The following DLG2 variants were observed in gnomAD, a reference collection of about 807,000 sequenced individuals.
The protein encoded by DLG2 is discs large MAGUK scaffold protein 2, also known as disks large homolog 2.
In DLG2, 45 loss-of-function variants were observed where a neutral mutation model predicts 132.5. The observed-to-expected ratio is 0.34, with a 90% CI of 0.27 to 0.44. DLG2 has a LOEUF of 0.44. DLG2 is among the 20% of genes least tolerant of loss of function. The pLI is 1.00. For synonymous variants in DLG2, 424 were observed against 419.6 expected, an observed-to-expected ratio of 1.01 and a Z score of -0.13; for missense variants, 1,045 against 1,196.9, an observed-to-expected ratio of 0.87 and a Z score of 1.87.
intron 14 of DLG2, among the ~76,000 whole-genome samples, chr11:83,938,770 G>T (rs1471252892): frequency 6.6e-6 from 1 of 152,160 alleles, no homozygotes; most frequent in Non-Finnish European, 1.5e-5. Context: ...CAGGAACAGA[G>T]ACTTATTTAA....
At chr11:84,103,895 AT>A (rs34175596) in intron 9 of DLG2, among the ~76,000 whole-genome samples, 5,289 of 151,338 alleles carry the variant, frequency 0.035, 291 homozygotes, top group African/African-American at 0.12. Flanking sequence ...ACCGACAATG[AT>A]TTTTTTTTGA....
chr11:85,007,111 G>A (rs749328130), intron 6 of DLG2, among the ~76,000 whole-genome samples: 2 of 152,000 alleles, frequency 1.3e-5, no homozygotes, highest in South Asian at 4.1e-4. Context: ...AGAAGTCATG[G>A]TTGCAAATAT....
In DLG2 at chr11:84,039,488, C is replaced by G. The variant is rs866478606; in HGVS notation, c.919+19827G>C. 2.8e-5 allele frequency among the ~76,000 whole-genome samples: 3 copies of G among 106,094 alleles called. No homozygotes were observed. The Admixed American group carries it at 3.1e-4, about 11-fold the overall frequency. 69.6% of individuals were successfully genotyped at this position (106,094 alleles called of 152,430 possible). The stretch of plus-strand genomic sequence containing the variant: ...TGTGGTGTTTGGTTTTTTGTTCTTG[C>G]GATAGTTTACTGAGAATGATGATTT... On this transcript the variant is annotated intron_variant, in intron 11 of 27. Transcript: ENST00000376104.
intron 3 of DLG2, among the ~76,000 whole-genome samples, chr11:85,514,098 C>T (rs1338561015): frequency 2.6e-5 from 4 of 151,894 alleles, no homozygotes; most frequent in Non-Finnish European, 1.5e-5. Flanking sequence ...CAGATTTATT[C>T]ATGTCCTTCT....
intron 7 of DLG2, among the ~76,000 whole-genome samples, chr11:84,259,310 A>C (rs1279176380): frequency 7.0e-6 from 1 of 141,926 alleles, no homozygotes; most frequent in African/African-American, 2.6e-5. Flanking sequence ...TTATTACTGG[A>C]GATTAGTTTT....
intron 6 of DLG2, among the ~76,000 whole-genome samples, chr11:84,989,938 A>C (rs2056900080): frequency 6.6e-6 from 1 of 152,228 alleles, no homozygotes; most frequent in Non-Finnish European, 1.5e-5. Context: ...TGGACATCTA[A>C]ACCTAGCATT....
chr11:85,319,908 A>C (rs1204187256), intron 3 of DLG2, among the ~76,000 whole-genome samples: 2 of 151,916 alleles, frequency 1.3e-5, no homozygotes, highest in East Asian at 3.9e-4. Context: ...TCCTAAGTCA[A>C]AGTTTACAGC....
At chr11:85,036,941 G>A (rs375095748) in intron 6 of DLG2, among the ~76,000 whole-genome samples, 71 of 152,246 alleles carry the variant, frequency 4.7e-4, no homozygotes, top group Middle Eastern at 3.4e-3. Flanking sequence ...ACTCCACAAG[G>A]ATTTTTCTCT....
intron 6 of DLG2, among the ~76,000 whole-genome samples, chr11:84,729,437 G>C (rs531537405): frequency 6.6e-6 from 1 of 152,086 alleles, no homozygotes; most frequent in Non-Finnish European, 1.5e-5. Flanking sequence ...ACTGTGGTCC[G>C]AGAGACTGTT....
intron 6 of DLG2, among the ~76,000 whole-genome samples, chr11:84,910,765 CAA>C (rs2091982717): frequency 2.2e-5 from 1 of 45,382 alleles, no homozygotes; most frequent in Admixed American, 2.1e-4. Flanking sequence ...GAAGAAAAAA[CAA>C]CAACAACAAC....
intron 3 of DLG2, among the ~76,000 whole-genome samples, chr11:85,353,058 G>A (rs2083420840): frequency 2.0e-5 from 3 of 152,224 alleles, no homozygotes; most frequent in South Asian, 4.1e-4. Flanking sequence ...GCAACCTATA[G>A]AATGGGAGAA....
intron 19 of DLG2, among the ~76,000 whole-genome samples, chr11:83,619,945 A>G (rs1303373777): frequency 6.6e-6 from 1 of 152,172 alleles, no homozygotes; most frequent in Non-Finnish European, 1.5e-5. Context: ...TGTCTACAGT[A>G]AGAGCTACAA....
At chr11:84,071,035 T>C (rs1446433471) in intron 10 of DLG2, among the ~76,000 whole-genome samples, 2 of 152,182 alleles carry the variant, frequency 1.3e-5, no homozygotes, top group Admixed American at 1.3e-4. Context: ...ATCCAATCTA[T>C]CACATTTTAA....
At chr11:84,871,684 T>G (rs1344271644) in intron 6 of DLG2, among the ~76,000 whole-genome samples, 1 of 152,112 alleles carries the variant, frequency 6.6e-6, no homozygotes, top group Non-Finnish European at 1.5e-5. Flanking sequence ...ATGCTCTGAA[T>G]CTAGTATATA....
At chr11:84,689,170 A>G (rs1485274298) in intron 6 of DLG2, among the ~76,000 whole-genome samples, 4 of 152,106 alleles carry the variant, frequency 2.6e-5, no homozygotes, top group Admixed American at 6.5e-5. Context: ...ATCTCAAGAA[A>G]ATCTGTATAT....
intron 19 of DLG2, among the ~76,000 whole-genome samples, chr11:83,565,211 G>A (rs1449047426): frequency 6.6e-6 from 1 of 152,130 alleles, no homozygotes; most frequent in African/African-American, 2.4e-5. Flanking sequence ...CATTGTGCTG[G>A]AGAATCAGTT....
At chr11:84,432,957 G>A (rs1453341932) in intron 7 of DLG2, among the ~76,000 whole-genome samples, 2 of 152,164 alleles carry the variant, frequency 1.3e-5, no homozygotes, top group Admixed American at 1.3e-4. Context: ...CCAAGAGGCA[G>A]AGGTTTCAGT....
chr11:85,615,914 C>G (rs2081302713), intron 2 of DLG2, among the ~76,000 whole-genome samples: 1 of 151,246 alleles, frequency 6.6e-6, no homozygotes, highest in Admixed American at 6.6e-5. Context: ...CACCCACCCC[C>G]CTAAAAAAAA....
At chr11:85,268,909 A>G (rs999552385) in intron 4 of DLG2, among the ~76,000 whole-genome samples, 5 of 152,242 alleles carry the variant, frequency 3.3e-5, no homozygotes, top group African/African-American at 1.2e-4. Flanking sequence ...TCAAAATTAC[A>G]ACTAACGGAT....
Sources: allele counts gnomAD v4.1 joint callset (sites outside exome capture counted in the v4.1 genomes callset), GRCh38; gene constraint gnomAD v4.1.1; transcripts MANE v1.5; gene names NCBI Gene and HGNC (gene_info 2026-07-23, HGNC 2026-07-21).